ZFP1: variants seen among roughly 807,000 people sequenced by gnomAD.
The protein encoded by ZFP1 is zinc finger protein 1 homolog.
A neutral mutation model predicts 38.5 loss-of-function variants in ZFP1; 32 were observed. That is an observed-to-expected ratio of 0.83 (90% CI 0.63 to 1.12). ZFP1 has a LOEUF of 1.12. ZFP1 is among the 50% of genes most tolerant of loss of function. ZFP1 has a pLI of 0.00. For synonymous variants in ZFP1, 245 were observed against 168.8 expected (o/e 1.45, Z -3.50); for missense variants, 616 against 480.8 (o/e 1.28, Z -2.63).
chr16:75,122,621 A>G, the ZFP1 span, among the ~76,000 whole-genome samples: 1 of 152,252 alleles, frequency 6.6e-6, no homozygotes, highest in African/African-American at 2.4e-5. Flanking sequence ...TAAATAAGAC[A>G]TTAATATTGG....
intron 2 of ZFP1, among the ~76,000 whole-genome samples, chr16:75,159,569 G>A (rs796189979): frequency 3.0e-4 from 45 of 150,772 alleles, no homozygotes; most frequent in South Asian, 1.0e-3. Context: ...CACTATGCCC[G>A]GCTAATTTTT....
At chr16:75,146,409 C>T (rs528481456), upstream of ZFP1, among the ~76,000 whole-genome samples, 6 of 152,110 alleles carry the variant, frequency 3.9e-5, no homozygotes, top group African/African-American at 7.2e-5. Flanking sequence ...CCTCGTGATC[C>T]GCCCGCCTCG....
chr16:75,144,618 G>T (rs559630190), upstream of ZFP1, among the ~76,000 whole-genome samples: 9 of 152,236 alleles, frequency 5.9e-5, no homozygotes, highest in South Asian at 8.3e-4. Flanking sequence ...TCACAATGTT[G>T]TATATCCATC....
chr16:75,132,983 C>A, the ZFP1 span, among the ~76,000 whole-genome samples: 5 of 140,146 alleles, frequency 3.6e-5, no homozygotes, highest in African/African-American at 5.3e-5. Context: ...GATTTTTTAA[C>A]TTTTTTTTTT....
Position 75,170,460 on chromosome 16 carries a change from T to G in ZFP1, c.*126T>G. The G allele has an allele frequency of 7.6e-7, 1 of 1,323,630 alleles. No homozygotes were observed. Among genetic ancestry groups the G allele is most frequent in the Non-Finnish European group, 9.9e-7 (1 of 1,013,578 alleles). 82.0% of individuals were successfully genotyped at this position (1,323,630 alleles called of 1,614,324 possible). On this transcript the variant is annotated 3_prime_UTR_variant, in exon 4 of 4. Transcript: ENST00000570010. ...GATGCAATCTCTCAACTCAAAAATG[T>G]ATTAAAAATAGGATCCCATGAGAAC...
chr16:75,150,639 T>C (rs2037150519), intron 1 of ZFP1, among the ~76,000 whole-genome samples: 1 of 152,208 alleles, frequency 6.6e-6, no homozygotes, highest in Non-Finnish European at 1.5e-5. Context: ...TTGTTTCATT[T>C]TGTTTTAGTA....
chr16:75,150,366 A>G (rs1442942252), intron 1 of ZFP1, among the ~76,000 whole-genome samples: 2 of 125,594 alleles, frequency 1.6e-5, no homozygotes, highest in Non-Finnish European at 3.3e-5. Context: ...CCGCCACTAC[A>G]CCTGGCTAAT....
chr16:75,162,273 C>T (rs1217028108), intron 2 of ZFP1, among the ~76,000 whole-genome samples: 2 of 151,778 alleles, frequency 1.3e-5, no homozygotes, highest in African/African-American at 4.8e-5. Context: ...CAGGCAGGCA[C>T]CATCAAGCTG....
rs963081935 is a variant in ZFP1, at chr16:75,171,190, T to C, written c.*856T>C. On this transcript the variant is annotated 3_prime_UTR_variant, in exon 4 of 4. Coordinates refer to ENST00000570010, the MANE Select transcript of ZFP1 (RefSeq NM_153688.4). ...CAAATGCATGTCTGTTACCAAAATA[T>C]TGTGTAACACAGACAGAAACCACCT... is the stretch of plus-strand genomic sequence containing the variant. 2 of 152,204 alleles carry C rather than the reference T, an allele frequency of 1.3e-5. No individual in the cohort carries two copies. The highest frequency in any genetic ancestry group is 2.9e-5 in the Non-Finnish European group (2 of 68,028). The allele number at this position is 152,204 out of a possible 1,614,324, so 9.4% of individuals were successfully genotyped here.
chr16:75,135,209 CAAA>C, the ZFP1 span, among the ~76,000 whole-genome samples: 13 of 14,956 alleles, frequency 8.7e-4, no homozygotes, highest in South Asian at 0.012. Flanking sequence ...GACCTTATCT[CAAA>C]AAAAAAAAAA....
chr16:75,139,383 A>AAC, the ZFP1 span, among the ~76,000 whole-genome samples: 1 of 148,026 alleles, frequency 6.8e-6, no homozygotes, highest in Non-Finnish European at 1.5e-5. Flanking sequence ...AAAAAAAAAA[A>AAC]AAAAAAAAAA....
chr16:75,172,119 G>T lies in ZFP1; in HGVS notation c.*1785G>T, dbSNP rs112352214. 1.3e-5 allele frequency: 2 copies of T among 152,190 alleles called. No homozygotes were observed. The highest frequency in any genetic ancestry group is 2.9e-5 in the Non-Finnish European group (2 of 68,036). The allele number at this position is 152,190 out of a possible 1,614,324, so 9.4% of individuals were successfully genotyped here. On this transcript the variant is annotated 3_prime_UTR_variant, in exon 4 of 4. Coordinates refer to ENST00000570010, the MANE Select transcript of ZFP1 (RefSeq NM_153688.4). ...TGGCTGAATGGTATTTCCTTGAAAAGAATGTGTGGGAACAAACTCCAAACT... is the reference window on the plus strand; with the variant it reads ...TGGCTGAATGGTATTTCCTTGAAAATAATGTGTGGGAACAAACTCCAAACT...
At chr16:75,140,830 G>T in the ZFP1 span, among the ~76,000 whole-genome samples, 4 of 151,984 alleles carry the variant, frequency 2.6e-5, no homozygotes, top group Non-Finnish European at 5.9e-5. Context: ...GTGGTGTTGG[G>T]CGCCTGTTGT....
In ZFP1 at chr16:75,170,544, G is replaced by C; in HGVS notation, c.*210G>C. The C allele has an allele frequency of 1.5e-6, 1 of 682,340 alleles. No individual in the cohort carries two copies. The highest frequency in any genetic ancestry group is 2.1e-6 in the Non-Finnish European group (1 of 465,818). The allele number at this position is 682,340 out of a possible 1,614,324, so 42.3% of individuals were successfully genotyped here. A position where few individuals can be genotyped will look rare whatever the true frequency, so the allele number is the denominator to read the frequency against. Reference sequence around the variant, plus strand: ...AAGAATACATATCAGAATATATCCAGTTGTAAATAGCCATACCCAGTTGTA... The same window carrying C: ...AAGAATACATATCAGAATATATCCACTTGTAAATAGCCATACCCAGTTGTA... On this transcript the variant is annotated 3_prime_UTR_variant, in exon 4 of 4. Transcript: ENST00000570010.
chr16:75,154,311 G>A (rs745518442), intron 2 of ZFP1, among the ~76,000 whole-genome samples: 13 of 152,092 alleles, frequency 8.5e-5, no homozygotes, highest in South Asian at 2.1e-4. Flanking sequence ...ATGATGTGAT[G>A]TACCACGGTT....
intron 2 of ZFP1, among the ~76,000 whole-genome samples, chr16:75,159,274 TCAC>T (rs1368291655): frequency 7.6e-6 from 1 of 131,566 alleles, no homozygotes; most frequent in African/African-American, 2.8e-5. Context: ...CTTCCTTCCC[TCAC>T]TTCCCTTCCT....
chr16:75,146,690 G>T (rs1425516920), upstream of ZFP1, among the ~76,000 whole-genome samples: 1 of 152,044 alleles, frequency 6.6e-6, no homozygotes, highest in Non-Finnish European at 1.5e-5. Context: ...TATAATCCCC[G>T]CACTTTGGGA....
chr16:75,142,361 C>G, the ZFP1 span, among the ~76,000 whole-genome samples: 141,290 of 150,754 alleles, frequency 0.94, 66,320 homozygotes, highest in African/African-American at 0.97. Flanking sequence ...GCAAGACTTC[C>G]TAAAAAAAAA....
At chr16:75,141,405 T>C in the ZFP1 span, among the ~76,000 whole-genome samples, 141,997 of 151,538 alleles carry the variant, frequency 0.94, 66,636 homozygotes, top group African/African-American at 0.96. Flanking sequence ...CGGGATTTCA[T>C]CGTGTTAGCC....
Sources: gnomAD v4.1 joint callset for allele counts (sites outside exome capture counted in the v4.1 genomes callset) on GRCh38, gnomAD v4.1.1 for gene constraint, MANE v1.5 for transcripts, NCBI Gene and HGNC (gene_info 2026-07-23, HGNC 2026-07-21) for gene names.